BTBD9: variants seen among roughly 807,000 people sequenced by gnomAD.
The protein encoded by BTBD9 is BTB/POZ domain-containing protein 9.
BTBD9 carries 49 observed loss-of-function variants against 64.3 expected under a neutral mutation model. The ratio of observed to expected loss-of-function variants is 0.76; its 90% CI spans 0.61 to 0.97. The LOEUF (loss-of-function observed/expected upper bound fraction) is 0.97, where lower values mean the gene tolerates loss of function less well. Among genes scored for constraint, BTBD9 ranks in the 50% least tolerant of loss-of-function variants. The pLI is 0.00. For synonymous variants in BTBD9, 260 were observed against 274.7 expected (o/e 0.95, Z 0.53); for missense variants, 598 against 762.1 (o/e 0.78, Z 2.53).
At chr6:38,303,928 T>TAC (rs1762520466) in intron 7 of BTBD9, among the ~76,000 whole-genome samples, 1 of 138,912 alleles carries the variant, frequency 7.2e-6, no homozygotes, top group African/African-American at 2.8e-5. Flanking sequence ...TATATATATA[T>TAC]ACACGTGTGT....
chr6:38,374,082 C>T (rs1325677490), intron 6 of BTBD9, among the ~76,000 whole-genome samples: 1 of 150,494 alleles, frequency 6.6e-6, no homozygotes, highest in Non-Finnish European at 1.5e-5. Flanking sequence ...ACCAGCCTGG[C>T]CAACATGGTG....
At chr6:38,626,642 C>G (rs951271283) in intron 1 of BTBD9, among the ~76,000 whole-genome samples, 1 of 152,208 alleles carries the variant, frequency 6.6e-6, no homozygotes, top group Non-Finnish European at 1.5e-5. Context: ...CCACACCATA[C>G]TCGAATTCAA....
chr6:38,242,719 G>A (rs10484932), intron 9 of BTBD9, among the ~76,000 whole-genome samples: 1 of 152,124 alleles, frequency 6.6e-6, no homozygotes, highest in South Asian at 2.1e-4. Context: ...CTACCTACTA[G>A]GGTCACTGAA....
At chr6:38,551,576 C>T (rs1367836730) in intron 6 of BTBD9, among the ~76,000 whole-genome samples, 1 of 152,198 alleles carries the variant, frequency 6.6e-6, no homozygotes. Flanking sequence ...TATAGACGTG[C>T]AGACTGAAGA....
intron 6 of BTBD9, among the ~76,000 whole-genome samples, chr6:38,574,595 C>T (rs1011265927): frequency 3.3e-5 from 5 of 152,124 alleles, no homozygotes; most frequent in African/African-American, 1.2e-4. Flanking sequence ...AAATGACTGC[C>T]ATTTATTGAG....
intron 1 of BTBD9, among the ~76,000 whole-genome samples, chr6:38,601,627 A>C (rs9394516): frequency 0.062 from 9,473 of 152,250 alleles, 701 homozygotes; most frequent in East Asian, 0.23. Context: ...TAAAGGCTGC[A>C]GTAAGCTATG....
At chr6:38,570,903 T>C (rs181347850) in intron 6 of BTBD9, among the ~76,000 whole-genome samples, 4 of 152,346 alleles carry the variant, frequency 2.6e-5, no homozygotes, top group Admixed American at 1.3e-4. Flanking sequence ...AATATGATGG[T>C]GTAAAAAAGC....
chr6:38,557,891 T>C (rs919039663), intron 6 of BTBD9, among the ~76,000 whole-genome samples: 2 of 152,184 alleles, frequency 1.3e-5, no homozygotes, highest in African/African-American at 4.8e-5. Context: ...ACTTTTCTGA[T>C]TTTGAGATCT....
chr6:38,465,965 G>T (rs1406135411), intron 6 of BTBD9, among the ~76,000 whole-genome samples: 4 of 149,292 alleles, frequency 2.7e-5, no homozygotes, highest in African/African-American at 9.9e-5. Flanking sequence ...AGAGTAGCAG[G>T]GACTACAGAT....
At chr6:38,308,796 T>C (rs983383303) in intron 7 of BTBD9, among the ~76,000 whole-genome samples, 1 of 151,886 alleles carries the variant, frequency 6.6e-6, no homozygotes, top group Non-Finnish European at 1.5e-5. Flanking sequence ...TTATTTTTTG[T>C]ATTTTTTGTA....
chr6:38,372,042 T>C (rs1333793456), intron 6 of BTBD9, among the ~76,000 whole-genome samples: 1 of 152,122 alleles, frequency 6.6e-6, no homozygotes, highest in Non-Finnish European at 1.5e-5. Flanking sequence ...GTAGGTTCAA[T>C]TAGATGTCCT....
Position 38,174,120 on chromosome 6 carries a change from T to C in BTBD9, c.*865A>G, listed in dbSNP as rs1330308905. ...TTTGGCCACGCCAGAACTCGGTATA[T>C]GTTTATCTACATGGACTTCGGAACA... On this transcript the variant is annotated 3_prime_UTR_variant, in exon 11 of 11. Coordinates refer to ENST00000481247, the MANE Select transcript of BTBD9 (RefSeq NM_001099272.2). 1.3e-5 allele frequency: 2 copies of C among 152,252 alleles called. No homozygotes were observed. Among genetic ancestry groups the C allele is most frequent in the Non-Finnish European group, 1.5e-5 (1 of 68,050 alleles). The allele number at this position is 152,252 out of a possible 1,614,324, so 9.4% of individuals were successfully genotyped here.
intron 6 of BTBD9, among the ~76,000 whole-genome samples, chr6:38,496,602 TC>T (rs1771969516): frequency 6.8e-6 from 1 of 146,792 alleles, no homozygotes; most frequent in South Asian, 2.1e-4. Context: ...CAGGACATGA[TC>T]ACACCACTGC....
chr6:38,303,874 T>TATATATACATATATATATATATATATAC (rs368257334), intron 7 of BTBD9, among the ~76,000 whole-genome samples: 1 of 82,650 alleles, frequency 1.2e-5, no homozygotes, highest in Non-Finnish European at 2.3e-5. Context: ...TATATATATA[T>TATATATACATATATATATATATATATAC]ACACACACAC....
At chr6:38,430,681 GT>G (rs966989851) in intron 6 of BTBD9, among the ~76,000 whole-genome samples, 29 of 151,322 alleles carry the variant, frequency 1.9e-4, no homozygotes, top group African/African-American at 6.8e-4. Context: ...GCTAATTTTT[GT>G]TTTTTAAATT....
At chr6:38,286,845 G>C (rs1761744642) in intron 8 of BTBD9, among the ~76,000 whole-genome samples, 1 of 151,982 alleles carries the variant, frequency 6.6e-6, no homozygotes, top group South Asian at 2.1e-4. Context: ...ACTTTGGGAG[G>C]CCGAGGCGGG....
chr6:38,629,373 G>C (rs970492212), intron 1 of BTBD9, among the ~76,000 whole-genome samples: 2 of 152,190 alleles, frequency 1.3e-5, no homozygotes, highest in Non-Finnish European at 2.9e-5. Context: ...TCTTAACTAA[G>C]TGATCAAAAT....
At chr6:38,408,549 T>C (rs1019631449) in intron 6 of BTBD9, among the ~76,000 whole-genome samples, 1 of 152,342 alleles carries the variant, frequency 6.6e-6, no homozygotes, top group African/African-American at 2.4e-5. Context: ...GACTGCCACA[T>C]TGACACCTTA....
intron 7 of BTBD9, among the ~76,000 whole-genome samples, chr6:38,316,972 G>A (rs773256300): frequency 6.6e-6 from 1 of 151,822 alleles, no homozygotes; most frequent in Admixed American, 6.6e-5. Context: ...ACTATTCTAG[G>A]GTAAAAGGTT....
Sources: allele counts gnomAD v4.1 joint callset (sites outside exome capture counted in the v4.1 genomes callset), GRCh38; gene constraint gnomAD v4.1.1; transcripts MANE v1.5; gene names NCBI Gene and HGNC (gene_info 2026-07-23, HGNC 2026-07-21).